The following UQCC1 variants were observed in gnomAD, a reference collection of about 807,000 sequenced individuals.
UQCC1 encodes bFGF-repressed Zic-binding protein.
A neutral mutation model predicts 48.0 loss-of-function variants in UQCC1; 38 were observed. That is an observed-to-expected ratio of 0.79 (90% confidence interval 0.61 to 1.04). The LOEUF (loss-of-function observed/expected upper bound fraction) is 1.04. Ranked by LOEUF, UQCC1 falls within the 50% of genes least tolerant of loss-of-function variation. UQCC1 has a pLI of 0.00. For synonymous variants in UQCC1, 111 were observed against 129.2 expected (o/e 0.86, Z 0.95); for missense variants, 368 against 381.8 (o/e 0.96, Z 0.30).
At position 35,355,319 on chromosome 20, in the gene UQCC1, G is replaced by A. The variant is rs78989429; in HGVS notation, c.465-8047C>T. ...CAAAGAATCAGTCTTCCTATCAACC[G>A]GAAGTTACTGAAGATTCCCATGAGT... On this transcript the variant is annotated intron_variant, in intron 6 of 9. Transcript: ENST00000374385. Among the ~76,000 whole-genome samples the A allele has an allele frequency of 6.7e-3, 1,024 of 152,294 alleles. 16 individuals are homozygous for A. The highest frequency in any genetic ancestry group is 0.024 in the African/African-American group (977 of 41,550).
chr20:35,342,326 G>A (rs567332761), intron 7 of UQCC1, among the ~76,000 whole-genome samples: 2 of 152,326 alleles, frequency 1.3e-5, no homozygotes, highest in Admixed American at 6.5e-5. Context: ...AGAGGAAGTC[G>A]TTTAGCCAGC....
intron 2 of UQCC1, chr20:35,384,532 C>T (rs1441232587): frequency 3.0e-5 from 12 of 398,998 alleles, no homozygotes; most frequent in Non-Finnish European, 4.9e-5. Context: ...TCTTAAGCTG[C>T]TTGGGAGGCT....
At chr20:35,384,966 CAAAAAAAAA>C (rs57141083) in intron 2 of UQCC1, among the ~76,000 whole-genome samples, 744 of 69,770 alleles carry the variant, frequency 0.011, 12 homozygotes, top group African/African-American at 0.045. Context: ...GAATCGGTCT[CAAAAAAAAA>C]AAAAAAAAAA....
At chr20:35,309,203 TG>T (rs551101872) in intron 8 of UQCC1, 493 of 455,672 alleles carry the variant, frequency 1.1e-3, no homozygotes, top group Non-Finnish European at 1.8e-3. Flanking sequence ...GAGTCCAAGC[TG>T]GGTGGATCAC....
rs76932577 is a variant in UQCC1, at chr20:35,353,906, T to C, written c.465-6634A>G. On this transcript the variant is annotated intron_variant, in intron 6 of 9. Transcript: ENST00000374385. ...CTAGTTCTGCAAGCTGTATTTATGG[T>C]AAATATCTTATACAAGAATACCATT... Among the ~76,000 whole-genome samples, 741 of 152,344 alleles carry C rather than the reference T, an allele frequency of 4.9e-3. 11 individuals carry two copies. The highest frequency in any genetic ancestry group is 6.1e-3 in the Non-Finnish European group (413 of 68,026).
At chr20:35,335,800 T>C (rs1165534675) in intron 7 of UQCC1, among the ~76,000 whole-genome samples, 1 of 152,214 alleles carries the variant, frequency 6.6e-6, no homozygotes, top group Non-Finnish European at 1.5e-5. Flanking sequence ...TTATGGGATA[T>C]AAATTATATC....
intron 1 of UQCC1, among the ~76,000 whole-genome samples, chr20:35,408,900 T>A (rs1040917812): frequency 1.3e-5 from 2 of 150,514 alleles, no homozygotes; most frequent in Non-Finnish European, 3.0e-5. Flanking sequence ...ACAACATGGA[T>A]GAATCTTGAG....
In UQCC1 at chr20:35,306,788, T is replaced by C. The variant is rs1366160816; in HGVS notation, c.652-9A>G. ...TCATCTGAAAGGATCCCCTGGAACA[T>C]ACAGCACAGCAGTGGTCTCCTGAGG... On this transcript the variant is annotated splice_polypyrimidine_tract_variant and intron_variant, in intron 8 of 9. Transcript: ENST00000374385. 1.2e-6 allele frequency: 2 copies of C among 1,607,776 alleles called. No individual in the cohort carries two copies. Among genetic ancestry groups the C allele is most frequent in the Middle Eastern group, 1.7e-4 (1 of 6,056 alleles).
At chr20:35,350,878 C>T (rs1049383877) in intron 6 of UQCC1, among the ~76,000 whole-genome samples, 64 of 151,050 alleles carry the variant, frequency 4.2e-4, no homozygotes, top group African/African-American at 1.5e-3. Context: ...CCGTCTCTCC[C>T]AAAAATACAA....
At chr20:35,346,928 C>A in intron 7 of UQCC1, 1 of 1,438,218 alleles carries the variant, frequency 7.0e-7, no homozygotes, top group Non-Finnish European at 9.2e-7. Context: ...AATCCCATCT[C>A]CATACAGGAT....
At chr20:35,331,279 C>T (rs1466255743) in intron 7 of UQCC1, among the ~76,000 whole-genome samples, 3 of 151,924 alleles carry the variant, frequency 2.0e-5, no homozygotes, top group Non-Finnish European at 4.4e-5. Flanking sequence ...ACACAGTTTA[C>T]ACCTTTTATT....
rs370926846 is a variant in UQCC1, at chr20:35,394,076, G to C, written c.129+16C>G. Reference sequence around the variant, plus strand: ...ACTAAGGTTTTCATACTAAGCAAAAGAACAACAAATCTTACCTGGGAAGTG... The same window carrying C: ...ACTAAGGTTTTCATACTAAGCAAAACAACAACAAATCTTACCTGGGAAGTG... On this transcript the variant is annotated intron_variant, in intron 2 of 9. Coordinates refer to ENST00000374385, the MANE Select transcript of UQCC1 (RefSeq NM_018244.5). 9 of 1,606,460 alleles carry C rather than the reference G, an allele frequency of 5.6e-6. No homozygotes were observed. The highest frequency in any genetic ancestry group is 7.7e-6 in the Non-Finnish European group (9 of 1,173,286).
chr20:35,368,708 A>G (rs1175624266), intron 5 of UQCC1, among the ~76,000 whole-genome samples: 1 of 152,236 alleles, frequency 6.6e-6, no homozygotes, highest in Non-Finnish European at 1.5e-5. Flanking sequence ...CAATATTAAC[A>G]AGCTAGTGGC....
intron 7 of UQCC1, among the ~76,000 whole-genome samples, chr20:35,317,790 G>C (rs2061078527): frequency 6.6e-6 from 1 of 152,244 alleles, no homozygotes; most frequent in Admixed American, 6.5e-5. Context: ...GCCATGCATA[G>C]CATGTTCTAT....
intron 7 of UQCC1, among the ~76,000 whole-genome samples, chr20:35,321,297 C>CGT (rs2061126072): frequency 6.6e-6 from 1 of 150,650 alleles, no homozygotes; most frequent in Admixed American, 6.6e-5. Flanking sequence ...CGCGCGCGCG[C>CGT]GCACGCTCAG....
At chr20:35,404,933 G>C (rs1243040647) in intron 1 of UQCC1, among the ~76,000 whole-genome samples, 1 of 152,200 alleles carries the variant, frequency 6.6e-6, no homozygotes, top group Non-Finnish European at 1.5e-5. Flanking sequence ...GATGTCCACA[G>C]AGGCTTAGAA....
intron 6 of UQCC1, among the ~76,000 whole-genome samples, chr20:35,356,081 G>C (rs893898627): frequency 4.1e-4 from 63 of 152,130 alleles, no homozygotes; most frequent in African/African-American, 1.4e-3. Context: ...ATGAGATGGG[G>C]TTTCGCCACG....
At chr20:35,379,825 T>A (rs375745874) in intron 4 of UQCC1, among the ~76,000 whole-genome samples, 1 of 151,906 alleles carries the variant, frequency 6.6e-6, no homozygotes, top group Non-Finnish European at 1.5e-5. Flanking sequence ...AAATTAAAAT[T>A]AAATAAAATA....
At chr20:35,397,798 A>C (rs769249335) in intron 1 of UQCC1, among the ~76,000 whole-genome samples, 22 of 152,166 alleles carry the variant, frequency 1.4e-4, no homozygotes, top group Non-Finnish European at 2.9e-4. Flanking sequence ...GACCAGGGAT[A>C]CTTGGGGACA....
Sources: allele counts gnomAD v4.1 joint callset (sites outside exome capture counted in the v4.1 genomes callset), GRCh38; gene constraint gnomAD v4.1.1; transcripts MANE v1.5; gene names NCBI Gene and HGNC (gene_info 2026-07-23, HGNC 2026-07-21).